WDR26: variants seen among roughly 807,000 people sequenced by gnomAD.
WDR26 encodes the protein WD repeat domain 26, also known as WD repeat-containing protein 26.
Under a neutral mutation model 84.1 loss-of-function variants are expected in WDR26, and 5 were observed. The ratio of observed to expected loss-of-function variants is 0.06; its 90% CI spans 0.03 to 0.13. The LOEUF (loss-of-function observed/expected upper bound fraction) is 0.13. Among genes scored for constraint, WDR26 ranks in the 10% least tolerant of loss-of-function variants. The pLI is 1.00. For synonymous variants in WDR26, 415 were observed against 389.6 expected, an observed-to-expected ratio of 1.07 and a Z score of -0.77; for missense variants, 642 against 974.9, an observed-to-expected ratio of 0.66 and a Z score of 4.55.
At chr1:224,427,280 T>TA (rs1013131030) in intron 3 of WDR26, among the ~76,000 whole-genome samples, 4 of 151,686 alleles carry the variant, frequency 2.6e-5, no homozygotes, top group African/African-American at 4.8e-5. Context: ...TTGAGGGGCT[T>TA]AAAAAAAAAT....
intron 6 of WDR26, among the ~76,000 whole-genome samples, chr1:224,414,522 T>C (rs1266923906): frequency 6.6e-6 from 1 of 152,198 alleles, no homozygotes; most frequent in Non-Finnish European, 1.5e-5. Context: ...TCATAATTCT[T>C]TATTCTCCAG....
intron 1 of WDR26, among the ~76,000 whole-genome samples, chr1:224,433,317 C>T (rs1321140782): frequency 6.6e-6 from 1 of 152,042 alleles, no homozygotes; most frequent in Non-Finnish European, 1.5e-5. Flanking sequence ...TCTAATCCAC[C>T]CCTCCCCCAA....
intron 1 of WDR26, 39 bp downstream of exon 1, chr1:224,433,645 C>T (rs1305551926): frequency 1.2e-5 from 16 of 1,376,500 alleles, no homozygotes; most frequent in South Asian, 6.8e-5. Context: ...CTCCGTCCCT[C>T]GGTCTGTCCA....
At chr1:224,421,088 C>G (rs917517487) in intron 4 of WDR26, among the ~76,000 whole-genome samples, 1 of 152,148 alleles carries the variant, frequency 6.6e-6, no homozygotes, top group Non-Finnish European at 1.5e-5. Context: ...CAGAAAGTCA[C>G]ATGGTACAAC....
At chr1:224,424,464 G>T (rs1209164730) in intron 4 of WDR26, 54 bp downstream of exon 4, 1 of 1,578,294 alleles carries the variant, frequency 6.3e-7, no homozygotes, top group African/African-American at 1.4e-5. Flanking sequence ...AAATGTTAAA[G>T]AAATATAACT....
At chr1:224,407,279 A>AATTTATTC (rs1238393190) in intron 7 of WDR26, among the ~76,000 whole-genome samples, 1 of 142,612 alleles carries the variant, frequency 7.0e-6, no homozygotes, top group Non-Finnish European at 1.5e-5. Flanking sequence ...CCTTTATACT[A>AATTTATTC]ATTTATTCAA....
intron 6 of WDR26, chr1:224,413,202 C>T: frequency 1.4e-6 from 1 of 715,104 alleles, no homozygotes; most frequent in Non-Finnish European, 1.8e-6. Context: ...ACAACAACAA[C>T]AAAAACCCCC....
intron 13 of WDR26, 122 bp downstream of exon 13, chr1:224,393,706 G>T: frequency 1.2e-6 from 1 of 806,964 alleles, no homozygotes; most frequent in Non-Finnish European, 1.8e-6. Context: ...GGTACAATAT[G>T]TAAAAGAGAG....
intron 1 of WDR26, 58 bp downstream of exon 1, chr1:224,433,626 C>A: frequency 7.6e-7 from 1 of 1,322,612 alleles, no homozygotes; most frequent in African/African-American, 1.5e-5. Context: ...TCCCCTACCC[C>A]CCTGGAGCCT....
At chr1:224,404,628 A>G (rs1393508190) in intron 7 of WDR26, 58 bp from the exon 8 acceptor site, 1 of 1,546,940 alleles carries the variant, frequency 6.5e-7, no homozygotes, top group African/African-American at 1.4e-5. Flanking sequence ...TTGTTTCCCA[A>G]TGTAAGAACT....
At chr1:224,407,172 A>ATATATATATAT (rs1491214480) in intron 7 of WDR26, among the ~76,000 whole-genome samples, 13 of 111,972 alleles carry the variant, frequency 1.2e-4, no homozygotes, top group South Asian at 3.1e-4. Flanking sequence ...ATATATATAT[A>ATATATATATAT]ACTCAAAAAC....
intron 4 of WDR26, among the ~76,000 whole-genome samples, chr1:224,424,054 C>T (rs996020964): frequency 7.8e-5 from 3 of 38,414 alleles, no homozygotes; most frequent in Non-Finnish European, 2.4e-4. Flanking sequence ...CTACCCTTCA[C>T]CCCCCAAAAA....
At chr1:224,409,864 G>A (rs997427255) in intron 7 of WDR26, among the ~76,000 whole-genome samples, 17 of 149,120 alleles carry the variant, frequency 1.1e-4, no homozygotes, top group Non-Finnish European at 2.1e-4. Flanking sequence ...TACTGTCTCA[G>A]AGAAAAAAAA....
chr1:224,428,984 G>A (rs1489219449), intron 3 of WDR26, among the ~76,000 whole-genome samples: 1 of 151,280 alleles, frequency 6.6e-6, no homozygotes. Flanking sequence ...CATTTAAACA[G>A]CTGGTGCAGT....
At chr1:224,428,884 C>T (rs1355676042) in intron 3 of WDR26, among the ~76,000 whole-genome samples, 1 of 131,994 alleles carries the variant, frequency 7.6e-6, no homozygotes, top group African/African-American at 2.9e-5. Context: ...CCAGTCTGGG[C>T]AATAAGAGAA....
In WDR26 at chr1:224,400,992, C is replaced by T. The variant is rs1673397557; in HGVS notation, c.1677G>A (p.Lys559=). Reference sequence around the variant, plus strand: ...CACGCTGACCTCCAGTCACAAAGCGCTTCCCATCTGGATTCCAAGCCACAC... The same window carrying T: ...CACGCTGACCTCCAGTCACAAAGCGTTTCCCATCTGGATTCCAAGCCACAC... Residue 559 remains lysine (K), a synonymous_variant, in exon 9 of 14, where the codon AAG becomes AAA. Transcript: ENST00000414423. 9 of 1,614,006 alleles carry T rather than the reference C, an allele frequency of 5.6e-6. No individual in the cohort carries two copies. The highest frequency in any genetic ancestry group is 1.3e-5 in the African/African-American group (1 of 74,928).
chr1:224,403,065 C>T (rs1384803038), intron 8 of WDR26, among the ~76,000 whole-genome samples: 1 of 151,604 alleles, frequency 6.6e-6, no homozygotes, highest in African/African-American at 2.4e-5. Flanking sequence ...TACAAATGCA[C>T]ATTTCTTTTT....
intron 13 of WDR26, among the ~76,000 whole-genome samples, chr1:224,392,781 C>T (rs1045337284): frequency 8.5e-5 from 13 of 152,086 alleles, no homozygotes; most frequent in Non-Finnish European, 1.3e-4. Flanking sequence ...AAGCCTTCTA[C>T]AGTCTGTACC....
intron 8 of WDR26, among the ~76,000 whole-genome samples, chr1:224,402,511 G>A (rs758803909): frequency 1.1e-4 from 16 of 152,138 alleles, no homozygotes; most frequent in Non-Finnish European, 2.1e-4. Context: ...AAAGAAATCT[G>A]AAAACTGATT....
Sources: gnomAD v4.1 joint callset for allele counts (sites outside exome capture counted in the v4.1 genomes callset) on GRCh38, gnomAD v4.1.1 for gene constraint, MANE v1.5 for transcripts, NCBI Gene and HGNC (gene_info 2026-07-23, HGNC 2026-07-21) for gene names.